Variants in CSMD1 observed in about 807,000 individuals in gnomAD.
The protein encoded by CSMD1 is CUB and sushi domain-containing protein 1.
A neutral mutation model predicts 417.5 loss-of-function variants in CSMD1; 213 were observed. The ratio of observed to expected loss-of-function variants is 0.51; its 90% CI spans 0.46 to 0.57. The LOEUF is 0.57. Ranked by LOEUF, CSMD1 falls within the 20% of genes least tolerant of loss-of-function variation. The pLI, the probability that CSMD1 is intolerant of heterozygous loss-of-function variation, is 0.00. For synonymous variants in CSMD1, 2,862 were observed against 1,736.8 expected, an observed-to-expected ratio of 1.65 and a Z score of -16.11; for missense variants, 6,923 against 4,529.7, an observed-to-expected ratio of 1.53 and a Z score of -15.17.
At chr8:4,060,348 G>A (rs557450477) in intron 3 of CSMD1, among the ~76,000 whole-genome samples, 49 of 152,272 alleles carry the variant, frequency 3.2e-4, no homozygotes, top group African/African-American at 9.6e-4. Flanking sequence ...TACTGAATGG[G>A]CCAAAACTGG....
At chr8:4,051,670 C>A (rs1798430429) in intron 3 of CSMD1, among the ~76,000 whole-genome samples, 1 of 152,010 alleles carries the variant, frequency 6.6e-6, no homozygotes, top group Admixed American at 6.6e-5. Flanking sequence ...GATAAATTTT[C>A]TGTACTGATC....
intron 5 of CSMD1, among the ~76,000 whole-genome samples, chr8:3,860,861 G>C (rs907202671): frequency 3.1e-4 from 47 of 152,116 alleles, no homozygotes; most frequent in African/African-American, 1.1e-3. Context: ...ATCATGAAAA[G>C]ATCCAAAGTT....
At chr8:4,005,201 G>C (rs955772103) in intron 4 of CSMD1, among the ~76,000 whole-genome samples, 2 of 152,148 alleles carry the variant, frequency 1.3e-5, no homozygotes, top group African/African-American at 2.4e-5. Context: ...TACTGCACAG[G>C]TGGTGGGTGC....
chr8:3,422,732 A>G (rs1211021658), intron 12 of CSMD1, among the ~76,000 whole-genome samples: 1 of 152,220 alleles, frequency 6.6e-6, no homozygotes, highest in African/African-American at 2.4e-5. Context: ...CTGCGATAAC[A>G]GAAAAACATA....
At chr8:3,485,654 T>G (rs975316926) in intron 11 of CSMD1, among the ~76,000 whole-genome samples, 3 of 151,556 alleles carry the variant, frequency 2.0e-5, no homozygotes, top group Non-Finnish European at 4.4e-5. Flanking sequence ...CAGCTACTCC[T>G]GAGACTGAGG....
intron 3 of CSMD1, among the ~76,000 whole-genome samples, chr8:4,105,348 A>C (rs13281198): frequency 0.27 from 39,122 of 145,878 alleles, 6,466 homozygotes; most frequent in Non-Finnish European, 0.36. Context: ...TTTTTTTTTT[A>C]TGTTTATATG....
chr8:3,312,436 T>C (rs1805421421), intron 23 of CSMD1, among the ~76,000 whole-genome samples: 1 of 152,202 alleles, frequency 6.6e-6, no homozygotes, highest in Non-Finnish European at 1.5e-5. Context: ...TTGTGTGATG[T>C]CTTTTTATAA....
intron 5 of CSMD1, among the ~76,000 whole-genome samples, chr8:3,867,094 C>T (rs920866700): frequency 6.6e-6 from 1 of 152,036 alleles, no homozygotes; most frequent in Non-Finnish European, 1.5e-5. Flanking sequence ...AATATTGTAA[C>T]CATTTTGATT....
At chr8:3,925,210 C>T (rs1280714179) in intron 5 of CSMD1, among the ~76,000 whole-genome samples, 1 of 152,182 alleles carries the variant, frequency 6.6e-6, no homozygotes, top group Non-Finnish European at 1.5e-5. Context: ...CAATTTGCTA[C>T]ATTTTGGGCT....
intron 7 of CSMD1, among the ~76,000 whole-genome samples, chr8:3,639,920 G>C (rs1472434122): frequency 1.3e-5 from 2 of 152,122 alleles, no homozygotes; most frequent in African/African-American, 2.4e-5. Context: ...GCTAACCCTA[G>C]TTAAAAGCCA....
intron 2 of CSMD1, among the ~76,000 whole-genome samples, chr8:4,466,120 G>A (rs552213724): frequency 6.6e-6 from 1 of 152,144 alleles, no homozygotes; most frequent in Admixed American, 6.5e-5. Flanking sequence ...GTAAATGGGA[G>A]GATAGTTTTA....
intron 52 of CSMD1, among the ~76,000 whole-genome samples, chr8:3,008,900 C>A (rs141022308): frequency 6.6e-6 from 1 of 152,114 alleles, no homozygotes; most frequent in African/African-American, 2.4e-5. Context: ...TCATAACGCA[C>A]GCAGAGTGAA....
chr8:4,922,240 T>C (rs947972277), intron 1 of CSMD1, among the ~76,000 whole-genome samples: 13 of 152,262 alleles, frequency 8.5e-5, no homozygotes, highest in Middle Eastern at 3.4e-3. Context: ...CCTTCAGTTC[T>C]AATGGCAGAT....
chr8:3,660,175 C>T (rs1329642178), intron 7 of CSMD1, among the ~76,000 whole-genome samples: 1 of 152,158 alleles, frequency 6.6e-6, no homozygotes, highest in African/African-American at 2.4e-5. Context: ...TATTATACTG[C>T]AGTGGTTTAG....
chr8:4,596,427 C>A (rs916703882), intron 2 of CSMD1, among the ~76,000 whole-genome samples: 3 of 152,046 alleles, frequency 2.0e-5, no homozygotes, highest in African/African-American at 7.2e-5. Context: ...CATTTCTAAA[C>A]AAATATAGCA....
intron 3 of CSMD1, among the ~76,000 whole-genome samples, chr8:4,236,049 T>TTTTTTTTTTTTTTTTTTTTTTTTG (rs1802035873): frequency 1.4e-5 from 1 of 73,098 alleles, no homozygotes; most frequent in Non-Finnish European, 2.9e-5. Flanking sequence ...GTTTTTTTTT[T>TTTTTTTTTTTTTTTTTTTTTTTTG]TTTTTTTTTT....
rs1037951157 is a variant in CSMD1, at chr8:3,272,315, G to A, written c.4153+11829C>T. 6.8e-5 allele frequency among the ~76,000 whole-genome samples: 10 copies of A among 146,336 alleles called. 1 individual carries two copies. Among genetic ancestry groups the A allele is most frequent in the African/African-American group, 2.0e-4 (8 of 39,932 alleles). ...ATCTCTGTTTTGGTACCAGTACCAT[G>A]CTGTTTTGGTTACGGTAGCCTTGTA... On this transcript the variant is annotated intron_variant, in intron 26 of 69. Coordinates refer to ENST00000635120, the MANE Select transcript of CSMD1 (RefSeq NM_033225.6).
At chr8:2,953,143 G>A (rs611079) in intron 65 of CSMD1, among the ~76,000 whole-genome samples, 1,597 of 152,164 alleles carry the variant, frequency 0.01, 23 homozygotes, top group African/African-American at 0.037. Context: ...ACAAAAAGAG[G>A]CTGTGTTTTG....
At chr8:4,784,692 G>A (rs973550085) in intron 1 of CSMD1, among the ~76,000 whole-genome samples, 1 of 152,126 alleles carries the variant, frequency 6.6e-6, no homozygotes, top group Admixed American at 6.5e-5. Context: ...AGGACCTAGT[G>A]GAAGAGAATG....
Sources: gnomAD v4.1 joint callset for allele counts (sites outside exome capture counted in the v4.1 genomes callset) on GRCh38, gnomAD v4.1.1 for gene constraint, MANE v1.5 for transcripts, NCBI Gene and HGNC (gene_info 2026-07-23, HGNC 2026-07-21) for gene names.